Variants in GNL2 observed in about 807,000 individuals in gnomAD.
GNL2 encodes the protein G protein nucleolar 2.
GNL2 carries 51 observed loss-of-function variants against 92.3 expected under a neutral mutation model. The observed-to-expected ratio is 0.55, with a 90% CI of 0.44 to 0.70. The LOEUF is 0.70. Ranked by LOEUF, GNL2 falls within the 30% of genes least tolerant of loss-of-function variation. GNL2 has a pLI of 0.00. For missense variants in GNL2, 844 were observed against 895.6 expected (o/e 0.94, Z 0.74); for synonymous variants, 283 against 300.6 (o/e 0.94, Z 0.61).
intron 4 of GNL2, 146 bp from the exon 5 acceptor site, chr1:37,587,641 G>A: frequency 2.0e-6 from 1 of 508,542 alleles, no homozygotes; most frequent in Non-Finnish European, 3.4e-6. Context: ...GTTTCAGTCT[G>A]GTTTCAAATC....
chr1:37,586,899 T>C (rs1643857223), intron 5 of GNL2, among the ~76,000 whole-genome samples: 1 of 152,156 alleles, frequency 6.6e-6, no homozygotes, highest in Admixed American at 6.5e-5. Flanking sequence ...GCACTGAGCT[T>C]CACACAGGCA....
Position 37,575,572 on chromosome 1 carries a change from G to C in GNL2, c.1143+23C>G. ...GAACACTCCCCCGCAAACACAAACA[G>C]CCTATCAGGGCCAAATACTCACAAC... On this transcript the variant is annotated intron_variant, in intron 10 of 15. Coordinates refer to ENST00000373062, the MANE Select transcript of GNL2 (RefSeq NM_013285.3). This position sits in a 1 kb window ranked among gnomAD's most constrained non-coding sequence, Gnocchi z 4.1. 1 of 1,394,162 alleles carries C rather than the reference G, an allele frequency of 7.2e-7. No homozygotes were observed. The highest frequency in any genetic ancestry group is 1.5e-5 in the African/African-American group (1 of 68,164). The allele number at this position is 1,394,162 out of a possible 1,614,324, so 86.4% of individuals were successfully genotyped here. A position where few individuals can be genotyped will look rare whatever the true frequency, so the allele number is the denominator to read the frequency against.
chr1:37,568,536 T>C, intron 13 of GNL2, 179 bp from the exon 14 acceptor site: 1 of 606,760 alleles, frequency 1.6e-6, no homozygotes, highest in Non-Finnish European at 2.9e-6. Context: ...CTAAAGCTTC[T>C]CATACTGCAG....
intron 15 of GNL2, among the ~76,000 whole-genome samples, 182 bp downstream of exon 15, chr1:37,567,491 T>C (rs776443372): frequency 1.3e-5 from 2 of 151,834 alleles, no homozygotes; most frequent in Non-Finnish European, 2.9e-5. Context: ...CTAAAACGTA[T>C]GACATGGACT....
At chr1:37,570,915 A>C (rs1056638239) in intron 12 of GNL2, 1 of 152,216 alleles carries the variant, frequency 6.6e-6, no homozygotes, top group Non-Finnish European at 1.5e-5. Flanking sequence ...TCACATGTAT[A>C]ATATCATTTT....
chr1:37,579,665 A>G (rs1643733899), intron 8 of GNL2, among the ~76,000 whole-genome samples: 2 of 152,078 alleles, frequency 1.3e-5, no homozygotes, highest in Admixed American at 1.3e-4. Context: ...TGGGAGGCTG[A>G]GGCGGGCGGA....
chr1:37,591,981 G>T (rs1643890467), intron 3 of GNL2, among the ~76,000 whole-genome samples: 1 of 152,200 alleles, frequency 6.6e-6, no homozygotes, highest in Non-Finnish European at 1.5e-5. Context: ...GTACCCAGCA[G>T]CCATGCTAAA....
intron 14 of GNL2, 66 bp from the exon 15 acceptor site, chr1:37,567,830 G>A: frequency 1.6e-6 from 2 of 1,224,416 alleles, no homozygotes; most frequent in Non-Finnish European, 2.4e-6. Flanking sequence ...CCAACGGTGG[G>A]AACAAGCTTG....
rs1643659658 is a variant in GNL2 at position 37,575,192 on chromosome 1, A to T, written c.1144-369T>A. Among the ~76,000 whole-genome samples, 1 of 152,236 alleles carries T rather than the reference A, an allele frequency of 6.6e-6. No individual in the cohort carries two copies. The highest frequency in any genetic ancestry group is 1.5e-5 in the Non-Finnish European group (1 of 68,040). On this transcript the variant is annotated intron_variant, in intron 10 of 15. Transcript: ENST00000373062. This position sits in a 1 kb window ranked among gnomAD's most constrained non-coding sequence, Gnocchi z 4.1. ...AAAGGAGAGGAGGAATGTGTACAGG[A>T]TGTATAGCCAGAAGCATGGTCAAGG...
chr1:37,581,238 G>T (rs1643761220), intron 8 of GNL2: 1 of 399,814 alleles, frequency 2.5e-6, no homozygotes, highest in African/African-American at 2.1e-5. Flanking sequence ...GCTATTGGAA[G>T]CATTTGCTTC....
At chr1:37,571,749 C>T (rs1045387050) in intron 12 of GNL2, among the ~76,000 whole-genome samples, 7 of 152,198 alleles carry the variant, frequency 4.6e-5, no homozygotes, top group African/African-American at 1.4e-4. Context: ...ATTATGGTTA[C>T]AATAGTTCTT....
intron 5 of GNL2, among the ~76,000 whole-genome samples, chr1:37,586,220 G>A (rs1237787742): frequency 1.3e-5 from 2 of 152,004 alleles, no homozygotes; most frequent in Non-Finnish European, 2.9e-5. Flanking sequence ...TCAAATTCCT[G>A]GGCTCCAGTG....
At chr1:37,590,631 G>T in intron 4 of GNL2, 75 bp downstream of exon 4, 1 of 1,229,708 alleles carries the variant, frequency 8.1e-7, no homozygotes, top group Non-Finnish European at 1.2e-6. Context: ...AAAAACAAAA[G>T]ACAAATATGT....
At chr1:37,585,256 AC>A (rs1213406860) in intron 5 of GNL2, among the ~76,000 whole-genome samples, 4 of 151,492 alleles carry the variant, frequency 2.6e-5, no homozygotes, top group Admixed American at 6.6e-5. Context: ...ACTGGGTTTC[AC>A]CATGTTGGTC....
At position 37,569,296 on chromosome 1, in the gene GNL2, G is replaced by T; in HGVS notation, c.1423C>A (p.Pro475Thr). The T allele has an allele frequency of 6.2e-7, 1 of 1,606,134 alleles. No individual in the cohort carries two copies. Among genetic ancestry groups the T allele is most frequent in the Non-Finnish European group, 8.5e-7 (1 of 1,176,840 alleles). The change falls in exon 13 of 16, where the codon CCC becomes ACC. Residue 475 changes from proline to threonine, a missense_variant. Transcript: ENST00000373062. The part of the protein sequence containing the change: ...AEPLVAPQLL[P>T]SSSLEVVPEA... ...GGGACAACTTCCAAAGATGAGGAGG[G>T]TAGAAGCTATTAAGGGGTGGAAATG... is the stretch of plus-strand genomic sequence containing the variant.
Position 37,566,941 on chromosome 1 carries a change from CGTT to C in GNL2, c.2107_2109del (p.Asn703del), listed in dbSNP as rs1308443946. 6.2e-7 allele frequency: 1 copy of C among 1,613,870 alleles called. No individual in the cohort carries two copies. The highest frequency in any genetic ancestry group is 8.5e-7 in the Non-Finnish European group (1 of 1,179,948). Reference sequence around the variant, plus strand: ...TTTTTGTTCCTGTTCCTATTTTTCACGTTGTGTGTTTCATAGTAGCGCACACCA... The same window carrying C: ...TTTTTGTTCCTGTTCCTATTTTTCACGTGTGTTTCATAGTAGCGCACACCA... On this transcript the variant is annotated inframe_deletion, in exon 16 of 16. Transcript: ENST00000373062.
chr1:37,569,390 C>T (rs1028667989), intron 12 of GNL2, 88 bp from the exon 13 acceptor site: 3 of 858,232 alleles, frequency 3.5e-6, no homozygotes, highest in Non-Finnish European at 5.4e-6. Flanking sequence ...TTAAACAGTC[C>T]TCTTCTCAGG....
At chr1:37,573,015 T>C (rs1570051551) in intron 12 of GNL2, among the ~76,000 whole-genome samples, 1 of 152,292 alleles carries the variant, frequency 6.6e-6, no homozygotes, top group East Asian at 1.9e-4. Context: ...CAGCAGCTTG[T>C]CAGTTTCTCA....
At chr1:37,581,865 A>G (rs1643774189) in intron 8 of GNL2, among the ~76,000 whole-genome samples, 1 of 152,090 alleles carries the variant, frequency 6.6e-6, no homozygotes, top group East Asian at 1.9e-4. Context: ...GGGTTTCACC[A>G]TATTGGCCAG....
Sources: gnomAD v4.1 joint callset for allele counts (sites outside exome capture counted in the v4.1 genomes callset) on GRCh38, gnomAD v4.1.1 for gene constraint, Gnocchi (gnomAD v3.1) non-coding constraint, MANE v1.5 for transcripts, NCBI Gene and HGNC (gene_info 2026-07-23, HGNC 2026-07-21) for gene names.